The following ETFA variants were observed in gnomAD, a reference collection of about 807,000 sequenced individuals.
ETFA encodes the protein electron transfer flavoprotein subunit alpha, mitochondrial.
In ETFA, 22 loss-of-function variants were observed where a neutral mutation model predicts 46.2. That is an observed-to-expected ratio of 0.48 (90% CI 0.34 to 0.68). The LOEUF is 0.68. Ranked by LOEUF, ETFA falls within the 30% of genes least tolerant of loss-of-function variation. ETFA has a pLI of 0.01. For synonymous variants in ETFA, 131 were observed against 139.9 expected, an observed-to-expected ratio of 0.94 and a Z score of 0.45; for missense variants, 345 against 401.1, an observed-to-expected ratio of 0.86 and a Z score of 1.19.
chr15:76,281,429 T>C (rs1182365580), intron 8 of ETFA, among the ~76,000 whole-genome samples: 6 of 136,280 alleles, frequency 4.4e-5, no homozygotes, highest in Admixed American at 2.8e-4. Context: ...CTCTCTAACA[T>C]TTTTTTTTTT....
intron 11 of ETFA, chr15:76,217,484 T>C (rs758006358): frequency 3.8e-5 from 13 of 343,140 alleles, no homozygotes; most frequent in Admixed American, 1.1e-4. Flanking sequence ...AATCAAGACC[T>C]TGTGTGCTAA....
At chr15:76,307,017 T>C (rs564839415) in intron 1 of ETFA, among the ~76,000 whole-genome samples, 1 of 152,332 alleles carries the variant, frequency 6.6e-6, no homozygotes, top group Non-Finnish European at 1.5e-5. Context: ...AAAAGTGTCA[T>C]GTTCCTTCAC....
chr15:76,269,899 A>T lies in ETFA; in HGVS notation c.816+4513T>A, dbSNP rs1202819639. Among the ~76,000 whole-genome samples the T allele has an allele frequency of 2.0e-5, 3 of 152,238 alleles. No individual in the cohort carries two copies. The East Asian group carries it at 5.8e-4, about 29-fold the overall frequency. ...ATATATAAAATATGTCTACAACTCA[A>T]TAATGAAAACAAGCAATTCAACTAA... On this transcript the variant is annotated intron_variant, in intron 9 of 11. Coordinates refer to ENST00000557943, the MANE Select transcript of ETFA (RefSeq NM_000126.4).
At chr15:76,273,261 CGAA>C in intron 9 of ETFA, among the ~76,000 whole-genome samples, 1 of 152,088 alleles carries the variant, frequency 6.6e-6, no homozygotes, top group Middle Eastern at 3.2e-3. Context: ...ACAAATACTT[CGAA>C]ACAAACTTCA....
chr15:76,223,480 C>T (rs2038977317), intron 11 of ETFA, among the ~76,000 whole-genome samples: 1 of 152,180 alleles, frequency 6.6e-6, no homozygotes. Context: ...GCCTCGGCCT[C>T]CCAAAGTGCT....
intron 9 of ETFA, among the ~76,000 whole-genome samples, chr15:76,232,197 T>C (rs2039075580): frequency 6.6e-6 from 1 of 152,212 alleles, no homozygotes; most frequent in South Asian, 2.1e-4. Flanking sequence ...CTGACACTGT[T>C]CTGTCTCCTT....
chr15:76,244,675 A>C (rs551196156), intron 9 of ETFA, among the ~76,000 whole-genome samples: 4 of 152,182 alleles, frequency 2.6e-5, no homozygotes, highest in South Asian at 2.1e-4. Context: ...AAAAAAAAAA[A>C]ACAAAATTAC....
chr15:76,309,559 G>T (rs2039969835), intron 1 of ETFA, among the ~76,000 whole-genome samples: 1 of 152,200 alleles, frequency 6.6e-6, no homozygotes, highest in African/African-American at 2.4e-5. Flanking sequence ...ATGAATATCT[G>T]GAAGTAATGT....
At chr15:76,260,289 G>T in intron 9 of ETFA, 1 of 1,177,418 alleles carries the variant, frequency 8.5e-7, no homozygotes, top group Non-Finnish European at 1.3e-6. Flanking sequence ...GTGAATGGCT[G>T]GCTCTCCCCG....
At chr15:76,219,702 C>A (rs529061243) in intron 11 of ETFA, among the ~76,000 whole-genome samples, 1 of 152,278 alleles carries the variant, frequency 6.6e-6, no homozygotes, top group Admixed American at 6.5e-5. Flanking sequence ...ATACGAGTGG[C>A]CAATGAACAT....
At chr15:76,292,925 T>G (rs1488672072) in intron 2 of ETFA, among the ~76,000 whole-genome samples, 2 of 151,996 alleles carry the variant, frequency 1.3e-5, no homozygotes, top group Non-Finnish European at 2.9e-5. Flanking sequence ...ATCACCGGAG[T>G]CAAGAGTTCA....
At chr15:76,298,128 C>T (rs562533130) in intron 1 of ETFA, among the ~76,000 whole-genome samples, 12 of 152,076 alleles carry the variant, frequency 7.9e-5, no homozygotes, top group African/African-American at 1.7e-4. Flanking sequence ...CTGCAACCAC[C>T]GCCTCCAGGG....
intron 1 of ETFA, among the ~76,000 whole-genome samples, chr15:76,299,134 A>C (rs189948260): frequency 4.5e-4 from 69 of 152,344 alleles, no homozygotes; most frequent in Middle Eastern, 3.4e-3. Flanking sequence ...TATTTAAATA[A>C]AAATTAACTA....
intron 9 of ETFA, among the ~76,000 whole-genome samples, chr15:76,249,160 C>G (rs1390006925): frequency 7.2e-6 from 1 of 138,390 alleles, no homozygotes; most frequent in Non-Finnish European, 1.5e-5. Context: ...CGGAGTTTCT[C>G]TCTTGTTGCC....
chr15:76,218,268 C>CT lies in ETFA; in HGVS notation c.964-1672dup, dbSNP rs1242744653. ...CTTTTTTTATTAGATCAACCACACA[C>CT]TTTTTTTTTCTTTTCCAAGACAGAG... On this transcript the variant is annotated intron_variant, in intron 11 of 11. Coordinates refer to ENST00000557943, the MANE Select transcript of ETFA (RefSeq NM_000126.4). 3.1e-3 allele frequency among the ~76,000 whole-genome samples: 467 copies of CT among 151,860 alleles called. 4 individuals are homozygous for CT. Among genetic ancestry groups the CT allele is most frequent in the African/African-American group, 0.011 (449 of 41,398 alleles).
chr15:76,262,731 C>G (rs550076138), intron 9 of ETFA, among the ~76,000 whole-genome samples: 1 of 152,192 alleles, frequency 6.6e-6, no homozygotes, highest in Non-Finnish European at 1.5e-5. Context: ...ATCTGCCCAC[C>G]TCGGCCTCCC....
chr15:76,290,333 C>CTTTTTTTTTT lies in ETFA; in HGVS notation c.351+2088_351+2097dup, dbSNP rs10682432. On this transcript the variant is annotated intron_variant, in intron 4 of 11. Transcript: ENST00000557943. ...AACATTATGAGCCAAAGTCGCTACT[C>CTTTTTTTTTT]TTTTTTTTTTTTTTTTTTTTTGAGA... 1.3e-4 allele frequency among the ~76,000 whole-genome samples: 13 copies of CTTTTTTTTTT among 97,138 alleles called. 1 individual carries two copies. Among genetic ancestry groups the CTTTTTTTTTT allele is most frequent in the East Asian group, 2.9e-4 (1 of 3,508 alleles). 63.7% of individuals were successfully genotyped at this position (97,138 alleles called of 152,430 possible). A position where few individuals can be genotyped will look rare whatever the true frequency, so the allele number is the denominator to read the frequency against.
chr15:76,288,916 TC>T (rs1596220654), intron 4 of ETFA, among the ~76,000 whole-genome samples: 1 of 82,556 alleles, frequency 1.2e-5, no homozygotes, highest in Non-Finnish European at 2.3e-5. Flanking sequence ...TTCTTCTTCT[TC>T]TTCTTTTTTT....
intron 1 of ETFA, among the ~76,000 whole-genome samples, chr15:76,302,753 G>A (rs769254577): frequency 4.6e-5 from 7 of 152,344 alleles, no homozygotes; most frequent in Middle Eastern, 3.4e-3. Flanking sequence ...GACAGTGGAG[G>A]AGGTTGTGGG....
Sources: gnomAD v4.1 joint callset for allele counts (sites outside exome capture counted in the v4.1 genomes callset) on GRCh38, gnomAD v4.1.1 for gene constraint, MANE v1.5 for transcripts, NCBI Gene and HGNC (gene_info 2026-07-23, HGNC 2026-07-21) for gene names.